The following PRKN variants were observed in gnomAD, a reference collection of about 807,000 sequenced individuals.
PRKN encodes the protein parkin RBR E3 ubiquitin protein ligase, also known as E3 ubiquitin-protein ligase parkin.
A neutral mutation model predicts 59.5 loss-of-function variants in PRKN; 56 were observed. That is an observed-to-expected ratio of 0.94 (90% CI 0.76 to 1.18). PRKN has a LOEUF of 1.18. Among genes scored for constraint, PRKN ranks in the 50% most tolerant of loss-of-function variants. The probability of loss-of-function intolerance (pLI) is 0.00; values close to 1 mark genes in which losing one functional copy is unlikely to be tolerated. For missense variants in PRKN, 657 were observed against 596.4 expected, an observed-to-expected ratio of 1.10 and a Z score of -1.06; for synonymous variants, 250 against 222.1, an observed-to-expected ratio of 1.13 and a Z score of -1.12.
Position 162,437,735 on chromosome 6 carries a change from T to A in PRKN, c.171+5575A>T, listed in dbSNP as rs142067854. Among the ~76,000 whole-genome samples, 108 of 152,326 alleles carry A rather than the reference T, an allele frequency of 7.1e-4. No individual in the cohort carries two copies. The East Asian group carries it at 0.016, about 23-fold the overall frequency. ...CACAGCACATTTCCCCTGAGATCCA[T>A]CCAAGATATTTTGTATATCAACAGT... is the stretch of plus-strand genomic sequence containing the variant. On this transcript the variant is annotated intron_variant, in intron 2 of 11. Coordinates refer to ENST00000366898, the MANE Select transcript of PRKN (RefSeq NM_004562.3).
chr6:162,021,451 ATATATATATATTTT>A (rs1562465919), intron 5 of PRKN, among the ~76,000 whole-genome samples: 1 of 7,232 alleles, frequency 1.4e-4, no homozygotes, highest in African/African-American at 3.2e-4. Context: ...ATATATATAT[ATATATATATATTTT>A]TTTTTTTTTT....
intron 1 of PRKN, among the ~76,000 whole-genome samples, chr6:162,600,396 T>C (rs1781657754): frequency 6.6e-6 from 1 of 152,226 alleles, no homozygotes; most frequent in Admixed American, 6.5e-5. Flanking sequence ...ATGAGATGTT[T>C]CCAATTTGGG....
At chr6:162,016,079 G>C (rs1429571069) in intron 5 of PRKN, among the ~76,000 whole-genome samples, 1 of 152,074 alleles carries the variant, frequency 6.6e-6, no homozygotes, top group Non-Finnish European at 1.5e-5. Flanking sequence ...TTTTATGAAA[G>C]TCAGTTTTAT....
chr6:162,359,073 A>ATAT (rs201385403), intron 2 of PRKN, among the ~76,000 whole-genome samples: 2,666 of 88,960 alleles, frequency 0.03, 16 homozygotes, highest in African/African-American at 0.05. Flanking sequence ...AAAAAAAAAA[A>ATAT]AAAAAAATAT....
chr6:161,524,530 G>GTATATTTTA, intron 9 of PRKN, among the ~76,000 whole-genome samples: 1 of 151,760 alleles, frequency 6.6e-6, no homozygotes, highest in African/African-American at 2.4e-5. Flanking sequence ...TAGTATATTT[G>GTATATTTTA]GTAGAAACGG....
intron 9 of PRKN, among the ~76,000 whole-genome samples, chr6:161,469,938 G>A (rs1029643107): frequency 1.3e-5 from 2 of 152,150 alleles, no homozygotes; most frequent in African/African-American, 4.8e-5. Flanking sequence ...AATAATAGTG[G>A]TAATAATAAT....
intron 4 of PRKN, among the ~76,000 whole-genome samples, chr6:162,132,455 G>C (rs1781403393): frequency 6.6e-6 from 1 of 151,962 alleles, no homozygotes; most frequent in South Asian, 2.1e-4. Context: ...CATGACCTTG[G>C]GTATATGCAG....
intron 7 of PRKN, among the ~76,000 whole-genome samples, chr6:161,699,298 T>C (rs1786150989): frequency 1.3e-5 from 2 of 152,106 alleles, no homozygotes; most frequent in Non-Finnish European, 1.5e-5. Context: ...CTTTGGAAAA[T>C]AGAAACATAC....
chr6:162,011,312 ATATTTT>A (rs1782668481), intron 5 of PRKN, among the ~76,000 whole-genome samples: 2 of 34,466 alleles, frequency 5.8e-5, no homozygotes, highest in African/African-American at 2.9e-4. Flanking sequence ...TATTTATGAT[ATATTTT>A]TATAATATAT....
intron 3 of PRKN, among the ~76,000 whole-genome samples, chr6:162,240,121 GACACTTT>G (rs1778922157): frequency 6.6e-6 from 1 of 152,156 alleles, no homozygotes; most frequent in Admixed American, 6.6e-5. Flanking sequence ...AGGTTTGAAT[GACACTTT>G]GCTAACCAAG....
intron 3 of PRKN, among the ~76,000 whole-genome samples, chr6:162,252,641 C>T (rs568161853): frequency 6.6e-6 from 1 of 152,316 alleles, no homozygotes; most frequent in African/African-American, 2.4e-5. Context: ...CATGAGAGGG[C>T]ACGGCTGGAA....
chr6:162,426,844 T>C (rs566828840), intron 2 of PRKN, among the ~76,000 whole-genome samples: 1 of 152,258 alleles, frequency 6.6e-6, no homozygotes, highest in East Asian at 1.9e-4. Flanking sequence ...AAGATACAAA[T>C]CATAAACAAA....
Position 161,537,727 on chromosome 6 carries a change from A to G in PRKN, c.1083+11127T>C, listed in dbSNP as rs568871976. Among the ~76,000 whole-genome samples, 9 of 152,352 alleles carry G rather than the reference A, an allele frequency of 5.9e-5. No individual in the cohort carries two copies. In the South Asian group the frequency reaches 6.2e-4, roughly 11 times the overall value. On this transcript the variant is annotated intron_variant, in intron 9 of 11. Coordinates refer to ENST00000366898, the MANE Select transcript of PRKN (RefSeq NM_004562.3). Reference sequence around the variant, plus strand: ...TAGCCTCCCAAAGTGCTGGGATTACAGGCGTGAGCCACTGCGCCCGGCCTC... The same window carrying G: ...TAGCCTCCCAAAGTGCTGGGATTACGGGCGTGAGCCACTGCGCCCGGCCTC...
chr6:161,439,284 G>C (rs1442745909), intron 9 of PRKN, among the ~76,000 whole-genome samples: 1 of 152,194 alleles, frequency 6.6e-6, no homozygotes, highest in Admixed American at 6.5e-5. Flanking sequence ...CAAAAACATG[G>C]AGGAAATCAA....
At chr6:162,477,607 C>T (rs1792084945) in intron 1 of PRKN, among the ~76,000 whole-genome samples, 1 of 152,172 alleles carries the variant, frequency 6.6e-6, no homozygotes, top group East Asian at 1.9e-4. Flanking sequence ...TGTTCACAGT[C>T]CTTTACGATT....
intron 3 of PRKN, 151 bp from the exon 4 acceptor site, chr6:162,201,403 C>T (rs189965729): frequency 1.5e-5 from 11 of 725,846 alleles, no homozygotes; most frequent in African/African-American, 1.1e-4. Context: ...AATGGGAATA[C>T]AACAATTTAA....
Position 162,177,834 on chromosome 6 carries a change from C to G in PRKN, c.534+23297G>C, listed in dbSNP as rs1452352138. ...AAAAAATAAATAAAGAGCCATAGAT[C>G]AAGCTGCAGCTGCGTGCCTCCAACT... is the stretch of plus-strand genomic sequence containing the variant. On this transcript the variant is annotated intron_variant, in intron 4 of 11. Coordinates refer to ENST00000366898, the MANE Select transcript of PRKN (RefSeq NM_004562.3). 3.3e-5 allele frequency among the ~76,000 whole-genome samples: 5 copies of G among 152,174 alleles called. No homozygotes were observed. In the South Asian group the frequency reaches 1.0e-3, roughly 32 times the overall value.
At chr6:162,490,134 A>G (rs553216060) in intron 1 of PRKN, among the ~76,000 whole-genome samples, 1 of 152,236 alleles carries the variant, frequency 6.6e-6, no homozygotes. Context: ...ATAAAGAGGG[A>G]AGAGAAAAGG....
At chr6:161,879,024 A>C (rs1583290374) in intron 6 of PRKN, among the ~76,000 whole-genome samples, 1 of 152,198 alleles carries the variant, frequency 6.6e-6, no homozygotes, top group East Asian at 1.9e-4. Context: ...TTTTCAGCCT[A>C]GGCAGGAATT....
Sources: allele counts gnomAD v4.1 joint callset (sites outside exome capture counted in the v4.1 genomes callset), GRCh38; gene constraint gnomAD v4.1.1; transcripts MANE v1.5; gene names NCBI Gene and HGNC (gene_info 2026-07-23, HGNC 2026-07-21).